The following CCNY variants were observed in gnomAD, a reference collection of about 807,000 sequenced individuals.
CCNY encodes the protein cyclin-Y.
In CCNY, 19 loss-of-function variants were observed where a neutral mutation model predicts 42.8. The observed-to-expected ratio is 0.44, with a 90% CI of 0.31 to 0.65. The LOEUF (loss-of-function observed/expected upper bound fraction) is 0.65. Among genes scored for constraint, CCNY ranks in the 30% least tolerant of loss-of-function variants. CCNY has a pLI of 0.07. For missense variants in CCNY, 370 were observed against 437.3 expected (o/e 0.85, Z 1.37); for synonymous variants, 165 against 162.7 (o/e 1.01, Z -0.11).
chr10:35,476,549 G>A (rs1218618338), intron 1 of CCNY, among the ~76,000 whole-genome samples: 1 of 151,744 alleles, frequency 6.6e-6, no homozygotes. Context: ...GGTACATAAC[G>A]AAATGAAGGC....
Position 35,571,998 on chromosome 10 carries a change from A to T in CCNY, c.*2828A>T, listed in dbSNP as rs957278315. On this transcript the variant is annotated 3_prime_UTR_variant, in exon 10 of 10. Transcript: ENST00000374704. ...TTTTAACTAGAAAAAGGGAAAGAAG[A>T]AGTCAGGAGTTTAAAACCAAATTGG... 2 of 151,924 alleles carry T rather than the reference A, an allele frequency of 1.3e-5. No homozygotes were observed. Among genetic ancestry groups the T allele is most frequent in the Non-Finnish European group, 2.9e-5 (2 of 67,992 alleles). 9.4% of individuals were successfully genotyped at this position (151,924 alleles called of 1,614,324 possible).
rs374214478 is a variant in CCNY, at chr10:35,455,493, C to T, written c.155-27911C>T. The T allele has an allele frequency of 1.4e-4, 22 of 152,438 alleles. No individual in the cohort carries two copies. In the East Asian group the frequency reaches 2.7e-3, roughly 19 times the overall value. 9.4% of individuals were successfully genotyped at this position (152,438 alleles called of 1,614,324 possible). ...GCTGGCTTGGTGGGAGGTGGTGGTTCTGAATCTCTGCTCTTTTGCAATGGC... is the reference window on the plus strand; with the variant it reads ...GCTGGCTTGGTGGGAGGTGGTGGTTTTGAATCTCTGCTCTTTTGCAATGGC... On this transcript the variant is annotated intron_variant, in intron 1 of 9. Transcript: ENST00000374704.
upstream of CCNY, among the ~76,000 whole-genome samples, chr10:35,332,783 T>C (rs1835961708): frequency 6.6e-6 from 1 of 152,158 alleles, no homozygotes; most frequent in African/African-American, 2.4e-5. Flanking sequence ...TTTTTGTATT[T>C]TTAATAGAGA....
chr10:35,362,317 C>T (rs1836704018), intron 1 of CCNY, among the ~76,000 whole-genome samples: 1 of 152,062 alleles, frequency 6.6e-6, no homozygotes, highest in Non-Finnish European at 1.5e-5. Flanking sequence ...GACTTTTGGC[C>T]TGGGTGATCT....
At chr10:35,479,245 C>T (rs1391508320) in intron 1 of CCNY, among the ~76,000 whole-genome samples, 1 of 151,814 alleles carries the variant, frequency 6.6e-6, no homozygotes, top group East Asian at 1.9e-4. Context: ...ACCCAGCCAT[C>T]CCATTACTGG....
intron 2 of CCNY, among the ~76,000 whole-genome samples, chr10:35,499,404 A>G (rs1564435769): frequency 1.3e-5 from 2 of 152,164 alleles, no homozygotes; most frequent in Admixed American, 6.5e-5. Context: ...ACCTGCCCCC[A>G]TGATTCAATT....
At chr10:35,352,194 C>T (rs12221042) in intron 1 of CCNY, among the ~76,000 whole-genome samples, 2 of 152,114 alleles carry the variant, frequency 1.3e-5, no homozygotes, top group African/African-American at 2.4e-5. Flanking sequence ...GGTGTCAGTT[C>T]TTCAGTTTGA....
chr10:35,421,528 A>G (rs3013357), intron 1 of CCNY, among the ~76,000 whole-genome samples: 8,073 of 152,210 alleles, frequency 0.053, 316 homozygotes, highest in African/African-American at 0.11. Flanking sequence ...CCTCCAATTT[A>G]AGACCAAGTA....
rs981302425 is a variant in CCNY, at chr10:35,266,238, C to T, written c.-9+15612C>T. 1.5e-4 allele frequency among the ~76,000 whole-genome samples: 22 copies of T among 148,210 alleles called. 1 individual carries two copies. The highest frequency in any genetic ancestry group is 2.8e-4 in the Non-Finnish European group (19 of 67,264). Reference sequence around the variant, plus strand: ...GATTACAGGCATGCGCTACCATGCCCGGCTAATTTCCTTTTTTTTTTTTTT... The same window carrying T: ...GATTACAGGCATGCGCTACCATGCCTGGCTAATTTCCTTTTTTTTTTTTTT... On this transcript the variant is annotated intron_variant, in intron 3 of 11. Transcript: ENST00000374706.
chr10:35,529,056 C>T (rs1028704515), intron 5 of CCNY, among the ~76,000 whole-genome samples: 7 of 152,132 alleles, frequency 4.6e-5, no homozygotes, highest in Non-Finnish European at 1.0e-4. Context: ...GGAGGGTCCC[C>T]GCAGAGCCCA....
intron 1 of CCNY, among the ~76,000 whole-genome samples, chr10:35,413,072 G>T (rs1254237340): frequency 2.0e-5 from 3 of 151,834 alleles, no homozygotes. Context: ...GTATTGTGTT[G>T]GAGAGATAAG....
intron 3 of CCNY, among the ~76,000 whole-genome samples, chr10:35,269,345 C>G (rs1386930725): frequency 6.6e-6 from 1 of 151,982 alleles, no homozygotes; most frequent in Non-Finnish European, 1.5e-5. Context: ...GAGACAGAGT[C>G]TCACTCTGTT....
chr10:35,249,662 G>A (rs1047795625), intron 2 of CCNY, among the ~76,000 whole-genome samples: 5 of 152,216 alleles, frequency 3.3e-5, no homozygotes, highest in African/African-American at 9.6e-5. Flanking sequence ...GAAGAGAATA[G>A]CAAGATAGAA....
At chr10:35,294,004 G>A (rs1264339018) in intron 3 of CCNY, among the ~76,000 whole-genome samples, 5 of 152,056 alleles carry the variant, frequency 3.3e-5, no homozygotes, top group Non-Finnish European at 7.4e-5. Context: ...TGGTCAGGCT[G>A]GTCTCGAACT....
intron 3 of CCNY, among the ~76,000 whole-genome samples, chr10:35,259,864 G>A (rs961908272): frequency 1.3e-5 from 2 of 149,372 alleles, no homozygotes; most frequent in Admixed American, 6.7e-5. Flanking sequence ...TCTTCTTAAG[G>A]AAATTTTATG....
intron 1 of CCNY, among the ~76,000 whole-genome samples, chr10:35,345,934 C>G (rs1836292551): frequency 6.6e-6 from 1 of 152,148 alleles, no homozygotes; most frequent in East Asian, 1.9e-4. Flanking sequence ...GAAGCTTTCC[C>G]TGACTCCTGG....
intron 3 of CCNY, among the ~76,000 whole-genome samples, chr10:35,311,405 A>G (rs1213428628): frequency 6.6e-6 from 1 of 151,906 alleles, no homozygotes; most frequent in Non-Finnish European, 1.5e-5. Context: ...GGTTGAGCAC[A>G]GTGGCCCATG....
chr10:35,545,477 C>T (rs190800270), intron 7 of CCNY, among the ~76,000 whole-genome samples: 3 of 152,330 alleles, frequency 2.0e-5, no homozygotes, highest in South Asian at 2.1e-4. Context: ...CTCATGCTCA[C>T]GCAGCGTTCT....
At chr10:35,565,063 C>G (rs748146999) in intron 8 of CCNY, among the ~76,000 whole-genome samples, 8 of 152,252 alleles carry the variant, frequency 5.3e-5, no homozygotes, top group Non-Finnish European at 1.0e-4. Flanking sequence ...GACCAGTGCT[C>G]CACAGATAGT....
Sources: allele counts gnomAD v4.1 joint callset (sites outside exome capture counted in the v4.1 genomes callset), GRCh38; gene constraint gnomAD v4.1.1; transcripts MANE v1.5; gene names NCBI Gene and HGNC (gene_info 2026-07-23, HGNC 2026-07-21).